Variants in GPC6 observed in about 807,000 individuals in gnomAD.
GPC6 encodes the protein glypican-6.
In GPC6, 14 loss-of-function variants were observed where a neutral mutation model predicts 55.2. The observed-to-expected ratio is 0.25, with a 90% CI of 0.17 to 0.40. The LOEUF is 0.40. Ranked by LOEUF, GPC6 falls within the 10% of genes least tolerant of loss-of-function variation. GPC6 has a pLI of 1.00. For synonymous variants in GPC6, 278 were observed against 259.6 expected (o/e 1.07, Z -0.68); for missense variants, 641 against 708.5 (o/e 0.90, Z 1.08).
chr13:94,167,720 C>G (rs1014869685), intron 4 of GPC6, among the ~76,000 whole-genome samples: 1 of 152,052 alleles, frequency 6.6e-6, no homozygotes, highest in African/African-American at 2.4e-5. Context: ...ATTTGAGGAG[C>G]TGCAAGTCTT....
chr13:93,320,745 G>A (rs1019650929), intron 1 of GPC6, among the ~76,000 whole-genome samples: 10 of 151,928 alleles, frequency 6.6e-5, no homozygotes, highest in Non-Finnish European at 1.0e-4. Context: ...AAATTGATTA[G>A]CAGTTTATTA....
chr13:94,366,569 C>G (rs1399509361), intron 6 of GPC6, among the ~76,000 whole-genome samples: 1 of 152,194 alleles, frequency 6.6e-6, no homozygotes, highest in African/African-American at 2.4e-5. Context: ...TGAATTCATT[C>G]TCTTCTTTTG....
At chr13:93,469,025 T>C (rs559717463) in intron 1 of GPC6, among the ~76,000 whole-genome samples, 2 of 152,316 alleles carry the variant, frequency 1.3e-5, no homozygotes, top group Admixed American at 1.3e-4. Flanking sequence ...ACCAGTGTAA[T>C]TAAGATCATT....
chr13:93,529,626 C>G (rs1350249669), intron 1 of GPC6, among the ~76,000 whole-genome samples: 1 of 148,872 alleles, frequency 6.7e-6, no homozygotes, highest in Non-Finnish European at 1.5e-5. Flanking sequence ...AAGCAATTCT[C>G]CTGCCTCAGC....
chr13:93,461,195 A>G (rs1321125424), intron 1 of GPC6, among the ~76,000 whole-genome samples: 9 of 152,164 alleles, frequency 5.9e-5, no homozygotes, highest in Admixed American at 5.9e-4. Flanking sequence ...ATAGTAGTCT[A>G]CAGCTTAATA....
intron 1 of GPC6, among the ~76,000 whole-genome samples, chr13:93,436,779 A>C (rs1877587385): frequency 6.6e-6 from 1 of 152,144 alleles, no homozygotes; most frequent in Admixed American, 6.6e-5. Context: ...ATATTCTAGA[A>C]TAGACAGGGA....
intron 3 of GPC6, among the ~76,000 whole-genome samples, chr13:93,879,224 T>C (rs1307292652): frequency 6.6e-6 from 1 of 152,116 alleles, no homozygotes; most frequent in East Asian, 1.9e-4. Flanking sequence ...TGATTTTAGT[T>C]ATAAATTCTT....
At chr13:93,262,309 G>A (rs186400709) in intron 1 of GPC6, among the ~76,000 whole-genome samples, 2 of 152,292 alleles carry the variant, frequency 1.3e-5, no homozygotes, top group African/African-American at 2.4e-5. Flanking sequence ...AAAAAAAAGT[G>A]AGCTGGAGAG....
chr13:94,269,595 G>C (rs954499993), intron 4 of GPC6, among the ~76,000 whole-genome samples: 4 of 152,166 alleles, frequency 2.6e-5, no homozygotes, highest in African/African-American at 9.7e-5. Context: ...GCTTGTGTTT[G>C]CTTCCGTGGG....
At chr13:93,940,395 T>TGGATGAATGGAC (rs1878673400) in intron 3 of GPC6, among the ~76,000 whole-genome samples, 1 of 149,030 alleles carries the variant, frequency 6.7e-6, no homozygotes, top group Admixed American at 6.8e-5. Flanking sequence ...GATGGACGGT[T>TGGATGAATGGAC]GGATGAATGG....
chr13:94,181,086 T>G (rs9524361), intron 4 of GPC6, among the ~76,000 whole-genome samples: 50,824 of 152,052 alleles, frequency 0.33, 8,727 homozygotes, highest in Middle Eastern at 0.42. Flanking sequence ...CACATTTTGA[T>G]ATCCACTCTA....
At chr13:94,151,746 C>T (rs910131943) in intron 4 of GPC6, among the ~76,000 whole-genome samples, 2 of 151,938 alleles carry the variant, frequency 1.3e-5, no homozygotes, top group South Asian at 2.1e-4. Flanking sequence ...AGCCTTCCTT[C>T]GAAAGGGCAT....
chr13:94,219,762 A>T (rs1362444014), intron 4 of GPC6, among the ~76,000 whole-genome samples: 1 of 152,116 alleles, frequency 6.6e-6, no homozygotes, highest in East Asian at 1.9e-4. Flanking sequence ...AAGAGAAAGG[A>T]ATGATGGCTT....
chr13:94,313,851 G>A (rs1876382989), intron 6 of GPC6, among the ~76,000 whole-genome samples: 1 of 152,144 alleles, frequency 6.6e-6, no homozygotes, highest in Non-Finnish European at 1.5e-5. Context: ...CACTTTCAGA[G>A]CCAAAATAGG....
At chr13:93,600,109 C>T (rs1290250983) in intron 2 of GPC6, among the ~76,000 whole-genome samples, 1 of 152,176 alleles carries the variant, frequency 6.6e-6, no homozygotes, top group East Asian at 1.9e-4. Flanking sequence ...AATAGTGTAG[C>T]AGCCACCTTC....
chr13:93,523,994 C>T (rs1226894799), intron 1 of GPC6, among the ~76,000 whole-genome samples: 1 of 151,840 alleles, frequency 6.6e-6, no homozygotes, highest in Non-Finnish European at 1.5e-5. Context: ...GATATCCTCA[C>T]ATTAGATTTC....
intron 4 of GPC6, among the ~76,000 whole-genome samples, chr13:94,153,528 T>C (rs652841): frequency 0.86 from 131,033 of 152,178 alleles, 56,682 homozygotes; most frequent in East Asian, 0.98. Flanking sequence ...AGAAAGGTCA[T>C]TTTTCCACGA....
At chr13:94,033,110 G>A (rs1883201806) in intron 4 of GPC6, among the ~76,000 whole-genome samples, 1 of 152,178 alleles carries the variant, frequency 6.6e-6, no homozygotes. Flanking sequence ...CAGAGAAATG[G>A]AAGGGAATAT....
At position 94,386,916 on chromosome 13, in the gene GPC6, G is replaced by A. The variant is rs150761432; in HGVS notation, c.1289+4366G>A. ...GAATCTTGCTCCATAGCTCTCTACC[G>A]TACTTCCTTGATTCAGAAACATACC... is the stretch of plus-strand genomic sequence containing the variant. On this transcript the variant is annotated intron_variant, in intron 7 of 8. Transcript: ENST00000377047. Among the ~76,000 whole-genome samples the A allele has an allele frequency of 2.0e-4, 30 of 152,106 alleles. No individual in the cohort carries two copies. The East Asian group carries it at 5.2e-3, about 26-fold the overall frequency.
Sources: allele counts gnomAD v4.1 joint callset (sites outside exome capture counted in the v4.1 genomes callset), GRCh38; gene constraint gnomAD v4.1.1; transcripts MANE v1.5; gene names NCBI Gene and HGNC (gene_info 2026-07-23, HGNC 2026-07-21).